The following AGPS variants were observed in gnomAD, a reference collection of about 807,000 sequenced individuals.
AGPS encodes the protein alkylglycerone phosphate synthase.
In AGPS, 26 loss-of-function variants were observed where a neutral mutation model predicts 90.7. The ratio of observed to expected loss-of-function variants is 0.29; its 90% CI spans 0.21 to 0.40. The LOEUF (loss-of-function observed/expected upper bound fraction) is 0.40. Ranked by LOEUF, AGPS falls within the 10% of genes least tolerant of loss-of-function variation. The pLI is 1.00. For synonymous variants in AGPS, 294 were observed against 285.3 expected (o/e 1.03, Z -0.31); for missense variants, 540 against 816.1 (o/e 0.66, Z 4.12).
intron 13 of AGPS, among the ~76,000 whole-genome samples, chr2:177,498,914 T>A (rs1688483242): frequency 6.6e-6 from 1 of 151,836 alleles, no homozygotes; most frequent in South Asian, 2.1e-4. Flanking sequence ...CCTCTTGCTA[T>A]TCAGAATTTT....
At chr2:177,440,774 TG>T (rs1415789796) in intron 5 of AGPS, among the ~76,000 whole-genome samples, 190 bp from the exon 6 acceptor site, 1 of 152,142 alleles carries the variant, frequency 6.6e-6, no homozygotes, top group Admixed American at 6.5e-5. Flanking sequence ...GTAACTTTTT[TG>T]TAAGTCAAAT....
At chr2:177,416,966 T>C (rs1685805151) in intron 1 of AGPS, among the ~76,000 whole-genome samples, 2 of 152,252 alleles carry the variant, frequency 1.3e-5, no homozygotes, top group African/African-American at 4.8e-5. Flanking sequence ...GGAAAGTTGA[T>C]GATTCTTTAA....
chr2:177,394,400 A>G (rs1685110083), intron 1 of AGPS, among the ~76,000 whole-genome samples: 1 of 152,200 alleles, frequency 6.6e-6, no homozygotes, highest in Admixed American at 6.5e-5. Flanking sequence ...AAAGGGGGAA[A>G]TTGTTCTTGG....
chr2:177,397,244 A>G (rs571307125), intron 1 of AGPS, among the ~76,000 whole-genome samples: 4 of 152,154 alleles, frequency 2.6e-5, no homozygotes, highest in Admixed American at 1.3e-4. Flanking sequence ...GCCGGCTCCA[A>G]TTACTTCTAT....
chr2:177,414,897 C>CGTGTGTGTGT (rs397986794), intron 1 of AGPS, among the ~76,000 whole-genome samples: 6,913 of 146,248 alleles, frequency 0.047, 317 homozygotes, highest in African/African-American at 0.1. Context: ...TATGAAGGTT[C>CGTGTGTGTGT]GTGTGTGTGT....
intron 1 of AGPS, among the ~76,000 whole-genome samples, chr2:177,397,784 T>G (rs1685227935): frequency 6.6e-6 from 1 of 152,202 alleles, no homozygotes. Flanking sequence ...ATCCCAGCAC[T>G]TTGGGAGGCC....
chr2:177,508,869 T>C (rs1486222267), intron 16 of AGPS, among the ~76,000 whole-genome samples: 1 of 152,220 alleles, frequency 6.6e-6, no homozygotes, highest in Non-Finnish European at 1.5e-5. Context: ...GCATTTCTTT[T>C]GATCATCATG....
intron 19 of AGPS, among the ~76,000 whole-genome samples, chr2:177,535,321 A>T (rs2079173996): frequency 6.6e-6 from 1 of 152,172 alleles, no homozygotes; most frequent in African/African-American, 2.4e-5. Context: ...TGTGCTACAT[A>T]AGGGACAGAG....
intron 10 of AGPS, among the ~76,000 whole-genome samples, chr2:177,478,311 C>T (rs1377290145): frequency 2.0e-5 from 3 of 152,230 alleles, no homozygotes; most frequent in South Asian, 2.1e-4. Context: ...ATTCCTACTA[C>T]GATGTGTCTG....
chr2:177,474,888 C>T (rs1218686335), intron 10 of AGPS, among the ~76,000 whole-genome samples: 1 of 152,146 alleles, frequency 6.6e-6, no homozygotes, highest in Non-Finnish European at 1.5e-5. Flanking sequence ...AATAAATATT[C>T]TCAAATGTCT....
chr2:177,411,656 A>G (rs1685624290), intron 1 of AGPS, among the ~76,000 whole-genome samples: 1 of 152,330 alleles, frequency 6.6e-6, no homozygotes, highest in South Asian at 2.1e-4. Context: ...TCCATGTCAG[A>G]TCAAAGGATT....
intron 8 of AGPS, among the ~76,000 whole-genome samples, chr2:177,446,003 A>T (rs1011601344): frequency 2.0e-5 from 3 of 151,954 alleles, no homozygotes; most frequent in Non-Finnish European, 4.4e-5. Context: ...AGAACCTGGC[A>T]TTTTTTTTGT....
intron 1 of AGPS, among the ~76,000 whole-genome samples, chr2:177,398,191 C>T (rs1397846812): frequency 6.6e-6 from 1 of 152,148 alleles, no homozygotes; most frequent in Admixed American, 6.6e-5. Flanking sequence ...GTTATTTGCA[C>T]AAGTGACCTG....
At chr2:177,443,499 G>C (rs901956550) in intron 7 of AGPS, among the ~76,000 whole-genome samples, 1 of 152,118 alleles carries the variant, frequency 6.6e-6, no homozygotes, top group African/African-American at 2.4e-5. Flanking sequence ...CACTAAATTA[G>C]AAGTTCCATA....
intron 10 of AGPS, 124 bp downstream of exon 10, chr2:177,468,648 AT>A (rs1687525509): frequency 4.5e-6 from 3 of 673,536 alleles, no homozygotes; most frequent in Non-Finnish European, 7.6e-6. Flanking sequence ...AATTTTTTAA[AT>A]TTTTATCATT....
In AGPS at chr2:177,538,283, A is replaced by T; in HGVS notation, c.*88A>T. The T allele has an allele frequency of 7.4e-7, 1 of 1,347,206 alleles. No individual in the cohort carries two copies. Among genetic ancestry groups the T allele is most frequent in the East Asian group, 2.3e-5 (1 of 42,906 alleles). 83.5% of individuals were successfully genotyped at this position (1,347,206 alleles called of 1,614,324 possible). A position where few individuals can be genotyped will look rare whatever the true frequency, so the allele number is the denominator to read the frequency against. On this transcript the variant is annotated 3_prime_UTR_variant, in exon 20 of 20. Coordinates refer to ENST00000264167, the MANE Select transcript of AGPS (RefSeq NM_003659.4). ...CTAGTAATCAAATATATCATGGACT[A>T]TATTTTGGATACATTTGTTTCTTTG... is the stretch of plus-strand genomic sequence containing the variant.
At chr2:177,453,572 G>T (rs1284723011) in intron 8 of AGPS, among the ~76,000 whole-genome samples, 1 of 151,344 alleles carries the variant, frequency 6.6e-6, no homozygotes, top group Non-Finnish European at 1.5e-5. Context: ...AGCCAGCCTA[G>T]GTTGCAGACT....
chr2:177,484,915 C>A lies in AGPS; in HGVS notation c.1233+2729C>A, dbSNP rs184164578. 2.0e-5 allele frequency among the ~76,000 whole-genome samples: 3 copies of A among 152,186 alleles called. No individual in the cohort carries two copies. In the East Asian group the frequency reaches 5.8e-4, roughly 30 times the overall value. ...GAATAGCTGGGACCATAGGCACACA[C>A]CACTATACCTGGCTAATTTTTTTTT... is the stretch of plus-strand genomic sequence containing the variant. On this transcript the variant is annotated intron_variant, in intron 11 of 19. Coordinates refer to ENST00000264167, the MANE Select transcript of AGPS (RefSeq NM_003659.4).
rs1392502373 is a variant in AGPS at position 177,513,741 on chromosome 2, C to T, written c.1608-78C>T. The T allele has an allele frequency of 6.6e-6, 7 of 1,066,318 alleles. No homozygotes were observed. The East Asian group carries it at 1.7e-4, about 26-fold the overall frequency. 66.1% of individuals were successfully genotyped at this position (1,066,318 alleles called of 1,614,324 possible). On this transcript the variant is annotated intron_variant, in intron 16 of 19. Coordinates refer to ENST00000264167, the MANE Select transcript of AGPS (RefSeq NM_003659.4). ...AGAAAATGTCAGACTTGAATGATGC[C>T]AGATTAACCAACGTTTATTAGCACT...
Sources: gnomAD v4.1 joint callset for allele counts (sites outside exome capture counted in the v4.1 genomes callset) on GRCh38, gnomAD v4.1.1 for gene constraint, MANE v1.5 for transcripts, NCBI Gene and HGNC (gene_info 2026-07-23, HGNC 2026-07-21) for gene names.